Variants in LGALS8 observed in about 807,000 individuals in gnomAD.
LGALS8 encodes the protein galectin 8.
Under a neutral mutation model 35.9 loss-of-function variants are expected in LGALS8, and 30 were observed. The observed-to-expected ratio is 0.83, with a 90% CI of 0.62 to 1.13. The LOEUF (loss-of-function observed/expected upper bound fraction) is 1.13, where lower values mean the gene tolerates loss of function less well. Ranked by LOEUF, LGALS8 falls within the 50% of genes most tolerant of loss-of-function variation. LGALS8 has a pLI of 0.00. For synonymous variants in LGALS8, 138 were observed against 136.1 expected, an observed-to-expected ratio of 1.01 and a Z score of -0.10; for missense variants, 366 against 388.7, an observed-to-expected ratio of 0.94 and a Z score of 0.49.
intron 2 of LGALS8, among the ~76,000 whole-genome samples, chr1:236,532,363 T>C (rs1166165345): frequency 6.6e-6 from 1 of 152,212 alleles, no homozygotes; most frequent in African/African-American, 2.4e-5. Flanking sequence ...TGTCCTGCTT[T>C]TCGATTTCTT....
chr1:236,546,465 T>G (rs1305735945), intron 9 of LGALS8, among the ~76,000 whole-genome samples: 1 of 152,132 alleles, frequency 6.6e-6, no homozygotes. Context: ...TACACTTTAG[T>G]TGTATCTACA....
At chr1:236,519,391 A>G (rs1306770415), upstream of LGALS8, among the ~76,000 whole-genome samples, 1 of 139,470 alleles carries the variant, frequency 7.2e-6, no homozygotes, top group Non-Finnish European at 1.6e-5. Flanking sequence ...ACTCTGTCTC[A>G]AAAAAAAAAA....
chr1:236,548,363 C>CACTT lies in LGALS8; in HGVS notation c.*204_*207dup. ...TGAATGGGGAAACTGGGGGCAGCAACACTTATAGCCAGTTAAAGCCACTCT... is the reference window on the plus strand; with the variant it reads ...TGAATGGGGAAACTGGGGGCAGCAACACTTACTTATAGCCAGTTAAAGCCACTCT... On this transcript the variant is annotated 3_prime_UTR_variant, in exon 10 of 10. Transcript: ENST00000366584. 1 of 564,064 alleles carries CACTT rather than the reference C, an allele frequency of 1.8e-6. No homozygotes were observed. Among genetic ancestry groups the CACTT allele is most frequent in the African/African-American group, 1.9e-5 (1 of 53,128 alleles). 34.9% of individuals were successfully genotyped at this position (564,064 alleles called of 1,614,324 possible).
Position 236,548,599 on chromosome 1 carries a change from CT to C in LGALS8, c.*443del. On this transcript the variant is annotated 3_prime_UTR_variant, in exon 10 of 10. Coordinates refer to ENST00000366584, the MANE Select transcript of LGALS8 (RefSeq NM_201544.4). Reference sequence around the variant, plus strand: ...TTCTGTGCGCTACTGCTGCGCACTGCTTTTTCTACAGGCATTACATCAACTC... The same window carrying C: ...TTCTGTGCGCTACTGCTGCGCACTGCTTTTCTACAGGCATTACATCAACTC... 3.6e-6 allele frequency: 1 copy of C among 276,522 alleles called. No homozygotes were observed. The allele number at this position is 276,522 out of a possible 1,614,324, so 17.1% of individuals were successfully genotyped here. A position where few individuals can be genotyped will look rare whatever the true frequency, so the allele number is the denominator to read the frequency against.
chr1:236,548,764 A>C lies in LGALS8; in HGVS notation c.*603A>C. On this transcript the variant is annotated 3_prime_UTR_variant, in exon 10 of 10. Transcript: ENST00000366584. ...ATCCCATCACTGAGGACTGATGTTG[A>C]CTGACATCATTTTCTTTATCGTAAT... is the stretch of plus-strand genomic sequence containing the variant. The C allele has an allele frequency of 2.9e-6, 1 of 340,770 alleles. No homozygotes were observed. Among genetic ancestry groups the C allele is most frequent in the South Asian group, 1.7e-4 (1 of 5,872 alleles). 21.1% of individuals were successfully genotyped at this position (340,770 alleles called of 1,614,324 possible). A position where few individuals can be genotyped will look rare whatever the true frequency, so the allele number is the denominator to read the frequency against.
At position 236,552,957 on chromosome 1, in the gene LGALS8, G is replaced by T. The variant is rs1662823564; in HGVS notation, c.*4796G>T. On this transcript the variant is annotated 3_prime_UTR_variant, in exon 10 of 10. Coordinates refer to ENST00000366584, the MANE Select transcript of LGALS8 (RefSeq NM_201544.4). Reference sequence around the variant, plus strand: ...GTTAGCATATCCTAATAAAGAATTTGAACTAATAAATCCTATTAATAAAAT... The same window carrying T: ...GTTAGCATATCCTAATAAAGAATTTTAACTAATAAATCCTATTAATAAAAT... 6.6e-6 allele frequency: 1 copy of T among 152,146 alleles called. No individual in the cohort carries two copies. Among genetic ancestry groups the T allele is most frequent in the Admixed American group, 6.5e-5 (1 of 15,276 alleles). The allele number at this position is 152,146 out of a possible 1,614,324, so 9.4% of individuals were successfully genotyped here.
rs933631854 is a variant in LGALS8 at position 236,548,460 on chromosome 1, T to A, written c.*299T>A. The A allele has an allele frequency of 2.7e-6, 1 of 368,420 alleles. No individual in the cohort carries two copies. The highest frequency in any genetic ancestry group is 2.1e-5 in the African/African-American group (1 of 48,556). 22.8% of individuals were successfully genotyped at this position (368,420 alleles called of 1,614,324 possible). On this transcript the variant is annotated 3_prime_UTR_variant, in exon 10 of 10. Transcript: ENST00000366584. ...AGTATTTATGGAGTACCTACTATAATACAGTAGCTAACATGTATTGAGCAC... is the reference window on the plus strand; with the variant it reads ...AGTATTTATGGAGTACCTACTATAAAACAGTAGCTAACATGTATTGAGCAC...
intron 3 of LGALS8, 34 bp from the exon 4 acceptor site, chr1:236,538,845 C>A (rs1449177192): frequency 1.3e-6 from 2 of 1,530,110 alleles, no homozygotes; most frequent in Non-Finnish European, 1.8e-6. Flanking sequence ...CCTTTCTGAG[C>A]ACTCATGGGG....
At chr1:236,547,283 T>C (rs1662425627) in intron 9 of LGALS8, among the ~76,000 whole-genome samples, 2 of 152,090 alleles carry the variant, frequency 1.3e-5, no homozygotes, top group South Asian at 4.1e-4. Context: ...GGCTAGTAGG[T>C]TTTTTGGTTT....
chr1:236,541,001 G>A (rs1185820835), intron 5 of LGALS8, among the ~76,000 whole-genome samples: 1 of 152,204 alleles, frequency 6.6e-6, no homozygotes, highest in Non-Finnish European at 1.5e-5. Flanking sequence ...GAGTGCCTGA[G>A]TCAAAGAGCA....
rs543643713 is a variant in LGALS8 at position 236,551,044 on chromosome 1, C to A, written c.*2883C>A. 2.2e-6 allele frequency: 3 copies of A among 1,359,986 alleles called. No homozygotes were observed. The highest frequency in any genetic ancestry group is 3.0e-6 in the Non-Finnish European group (3 of 988,990). The allele number at this position is 1,359,986 out of a possible 1,614,324, so 84.2% of individuals were successfully genotyped here. A position where few individuals can be genotyped will look rare whatever the true frequency, so the allele number is the denominator to read the frequency against. ...AAAATCTGAGTCAGTCCGCCTGCCT[C>A]GGTTCTCATTAGTTTAATTCTTAAT... On this transcript the variant is annotated 3_prime_UTR_variant, in exon 10 of 10. Coordinates refer to ENST00000366584, the MANE Select transcript of LGALS8 (RefSeq NM_201544.4).
In LGALS8 at chr1:236,524,013, T is replaced by G; in HGVS notation, c.-152T>G. ...GCCGGGAACCCTGACGGCACTTAGC[T>G]GCTGACAAACAACCTGCTCCGTGGA... On this transcript the variant is annotated 5_prime_UTR_variant, in exon 1 of 10. Transcript: ENST00000366584. 2.4e-6 allele frequency: 1 copy of G among 419,760 alleles called. No individual in the cohort carries two copies. The highest frequency in any genetic ancestry group is 1.7e-5 in the South Asian group (1 of 59,960). The allele number at this position is 419,760 out of a possible 1,614,324, so 26.0% of individuals were successfully genotyped here.
Position 236,541,697 on chromosome 1 carries a change from TA to T in LGALS8, c.511del (p.Ser171ValfsTer21). 6.6e-7 allele frequency: 1 copy of T among 1,509,076 alleles called. No homozygotes were observed. Among genetic ancestry groups the T allele is most frequent in the Middle Eastern group, 2.0e-4 (1 of 5,114 alleles). The allele number at this position is 1,509,076 out of a possible 1,614,324, so 93.5% of individuals were successfully genotyped here. On this transcript the variant is annotated frameshift_variant, in exon 6 of 10. Coordinates refer to ENST00000366584, the MANE Select transcript of LGALS8 (RefSeq NM_201544.4). LOFTEE classifies it high-confidence loss of function. ...TQASSLELTE[I>X]SRENVPKSGT... ...GCATCTAGTCTGGAACTGACAGAGA[TA>T]AGTAGAGAAAATGTAAATATTAAAT... is the stretch of plus-strand genomic sequence containing the variant.
At chr1:236,536,026 C>G (rs945875250) in intron 2 of LGALS8, 4 of 152,230 alleles carry the variant, frequency 2.6e-5, no homozygotes, top group African/African-American at 9.7e-5. Flanking sequence ...CTAGGCAAAG[C>G]TACATGCAAA....
rs1391675271 is a variant in LGALS8, at chr1:236,550,719, AG to A, written c.*2560del. ...CTTTCTGCAGCTCTATACGATAGGC[AG>A]GAGAGGCTTATGTGGCAGCACAAGC... On this transcript the variant is annotated 3_prime_UTR_variant, in exon 10 of 10. Transcript: ENST00000366584. 7.5e-6 allele frequency: 4 copies of A among 536,502 alleles called. No homozygotes were observed. Among genetic ancestry groups the A allele is most frequent in the Non-Finnish European group, 1.3e-5 (4 of 305,536 alleles). 33.2% of individuals were successfully genotyped at this position (536,502 alleles called of 1,614,324 possible). A position where few individuals can be genotyped will look rare whatever the true frequency, so the allele number is the denominator to read the frequency against.
At chr1:236,540,523 T>C in intron 4 of LGALS8, 41 bp from the exon 5 acceptor site, 1 of 1,439,524 alleles carries the variant, frequency 6.9e-7, no homozygotes, top group South Asian at 1.3e-5. Context: ...AACTGTTTTT[T>C]TTTGGTGGCG....
chr1:236,539,123 T>C (rs769120611), intron 4 of LGALS8, 34 bp downstream of exon 4: 3 of 1,561,818 alleles, frequency 1.9e-6, no homozygotes, highest in Non-Finnish European at 2.6e-6. Flanking sequence ...TGAGTCCTCA[T>C]TAGTGAGCAG....
Position 236,548,532 on chromosome 1 carries a change from G to A in LGALS8, c.*371G>A, listed in dbSNP as rs772676184. On this transcript the variant is annotated 3_prime_UTR_variant, in exon 10 of 10. Coordinates refer to ENST00000366584, the MANE Select transcript of LGALS8 (RefSeq NM_201544.4). Reference sequence around the variant, plus strand: ...TGAAGAGCTAGGATATATACTTGGTGAAACAAACCAGTATGTTCCCTGTTC... The same window carrying A: ...TGAAGAGCTAGGATATATACTTGGTAAAACAAACCAGTATGTTCCCTGTTC... 1.7e-4 allele frequency: 43 copies of A among 255,364 alleles called. 2 individuals are homozygous for A. Among genetic ancestry groups the A allele is most frequent in the Non-Finnish European group, 8.9e-5 (12 of 135,352 alleles). The allele number at this position is 255,364 out of a possible 1,614,324, so 15.8% of individuals were successfully genotyped here.
At chr1:236,543,377 T>C (rs1431420236) in intron 7 of LGALS8, 183 bp from the exon 8 acceptor site, 1 of 702,434 alleles carries the variant, frequency 1.4e-6, no homozygotes, top group Non-Finnish European at 2.6e-6. Context: ...CATGTGTGTT[T>C]GCTTCGAGCC....
Sources: gnomAD v4.1 joint callset for allele counts (sites outside exome capture counted in the v4.1 genomes callset) on GRCh38, gnomAD v4.1.1 for gene constraint, MANE v1.5 for transcripts, NCBI Gene and HGNC (gene_info 2026-07-23, HGNC 2026-07-21) for gene names.